ACADS: variants seen among roughly 807,000 people sequenced by gnomAD.
The protein encoded by ACADS is acyl-CoA dehydrogenase short chain, also known as short-chain specific acyl-CoA dehydrogenase, mitochondrial.
Under a neutral mutation model 46.8 loss-of-function variants are expected in ACADS, and 28 were observed. That is an observed-to-expected ratio of 0.60 (90% CI 0.44 to 0.82). The LOEUF (loss-of-function observed/expected upper bound fraction) is 0.82, where lower values mean the gene tolerates loss of function less well. Ranked by LOEUF, ACADS falls within the 40% of genes least tolerant of loss-of-function variation. The pLI is 0.00. For synonymous variants in ACADS, 236 were observed against 237.7 expected (o/e 0.99, Z 0.07); for missense variants, 528 against 578.0 (o/e 0.91, Z 0.89).
intron 8 of ACADS, 66 bp downstream of exon 8, chr12:120,738,981 G>A: frequency 6.2e-7 from 1 of 1,601,638 alleles, no homozygotes; most frequent in East Asian, 2.2e-5. Flanking sequence ...GAGAGGTTGG[G>A]GCGGGTCTCT....
chr12:120,739,106 C>G, intron 8 of ACADS, 34 bp from the exon 9 acceptor site: 1 of 1,612,980 alleles, frequency 6.2e-7, no homozygotes. Flanking sequence ...GGGGTCCCCT[C>G]AAGGGAAGGC....
chr12:120,725,917 G>A lies in ACADS; in HGVS notation c.32G>A (p.Gly11Asp), dbSNP rs1883067789. The A allele has an allele frequency of 1.3e-6, 2 of 1,555,594 alleles. No homozygotes were observed. The highest frequency in any genetic ancestry group is 2.4e-5 in the East Asian group (1 of 41,914). Residue 11 changes from glycine to aspartate, a missense_variant, in exon 1 of 10, where the codon GGC (glycine) becomes GAC (aspartate). Coordinates refer to ENST00000242592, the MANE Select transcript of ACADS (RefSeq NM_000017.4). ...GCCGCGCTGCTCGCCCGGGCCTCGG[G>A]CCCTGCCCGCAGAGGTGAGTGCGCT... The part of the protein sequence containing the change: MAAALLARAS[G>D]PARRALCPRA...
At chr12:120,733,644 G>A (rs907825067) in intron 2 of ACADS, among the ~76,000 whole-genome samples, 2 of 151,610 alleles carry the variant, frequency 1.3e-5, no homozygotes, top group African/African-American at 4.9e-5. Context: ...CTCCCCAGGT[G>A]TGTGGCGGCC....
rs1414532487 is a variant in ACADS, at chr12:120,739,466, C to G, written c.*18C>G. On this transcript the variant is annotated 3_prime_UTR_variant, in exon 10 of 10. Coordinates refer to ENST00000242592, the MANE Select transcript of ACADS (RefSeq NM_000017.4). ...GGAGCTGAGCCCGCGGCGGACTGCCCCAGGACTGCGGGAAGGCGCGGGAGC... is the reference window on the plus strand; with the variant it reads ...GGAGCTGAGCCCGCGGCGGACTGCCGCAGGACTGCGGGAAGGCGCGGGAGC... 6.2e-7 allele frequency: 1 copy of G among 1,602,490 alleles called. No individual in the cohort carries two copies. Among genetic ancestry groups the G allele is most frequent in the Non-Finnish European group, 8.5e-7 (1 of 1,177,556 alleles).
At chr12:120,735,670 G>A (rs1190599978) in intron 2 of ACADS, among the ~76,000 whole-genome samples, 1 of 152,146 alleles carries the variant, frequency 6.6e-6, no homozygotes, top group Non-Finnish European at 1.5e-5. Context: ...GGAGGCCGAG[G>A]TGGGTGGATC....
intron 2 of ACADS, among the ~76,000 whole-genome samples, chr12:120,736,067 ACTTGTTCCTTTTTG>A (rs1883426848): frequency 6.6e-6 from 1 of 151,520 alleles, no homozygotes; most frequent in African/African-American, 2.4e-5. Flanking sequence ...AAGTGGTTTT[ACTTGTTCCTTTTTG>A]AAGTTAGGTA....
In ACADS at chr12:120,726,939, A is replaced by G. The variant is rs185422623; in HGVS notation, c.47-87A>G. 9 of 1,526,228 alleles carry G rather than the reference A, an allele frequency of 5.9e-6. No individual in the cohort carries two copies. In the East Asian group the frequency reaches 1.6e-4, roughly 27 times the overall value. The allele number at this position is 1,526,228 out of a possible 1,614,324, so 94.5% of individuals were successfully genotyped here. A position where few individuals can be genotyped will look rare whatever the true frequency, so the allele number is the denominator to read the frequency against. On this transcript the variant is annotated intron_variant, in intron 1 of 9. Coordinates refer to ENST00000242592, the MANE Select transcript of ACADS (RefSeq NM_000017.4). ...ATTGCCAGATGTCCCTTGGAGGGCA[A>G]AATCCTCCCTGGTGAGTTAGTGGGT...
At position 120,738,537 on chromosome 12, in the gene ACADS, C is replaced by A. The variant is rs1424182725; in HGVS notation, c.800C>A (p.Thr267Asn). 1 of 1,609,508 alleles carries A rather than the reference C, an allele frequency of 6.2e-7. No individual in the cohort carries two copies. Among genetic ancestry groups the A allele is most frequent in the Non-Finnish European group, 8.5e-7 (1 of 1,179,826 alleles). ...PGMGFKIAMQ[T>N]LDMGRIGIAS... ...TGACCAGGGCGGTCCCCACAGCAAACCCTGGACATGGGCCGCATCGGCATC... is the reference window on the plus strand; with the variant it reads ...TGACCAGGGCGGTCCCCACAGCAAAACCTGGACATGGGCCGCATCGGCATC... The change falls in exon 7 of 10, where the codon ACC becomes AAC. Residue 267 changes from threonine (T) to asparagine (N), a missense_variant. Coordinates refer to ENST00000242592, the MANE Select transcript of ACADS (RefSeq NM_000017.4).
intron 2 of ACADS, among the ~76,000 whole-genome samples, chr12:120,731,685 A>C (rs1883253068): frequency 2.6e-5 from 4 of 151,470 alleles, no homozygotes; most frequent in Admixed American, 2.6e-4. Context: ...TTTCTCGCAG[A>C]GGGGGATTTG....
rs774801839 is a variant in ACADS, at chr12:120,737,001, G to T, written c.226G>T (p.Gly76Trp). Residue 76 changes from glycine to tryptophan, a missense_variant, in exon 3 of 10, where the codon GGG (glycine) becomes TGG (tryptophan). Transcript: ENST00000242592. ...CTGTGCCCAGGTGAAGAAGATGGGC[G>T]GGCTTGGGCTTCTGGCCATGGACGT... is the stretch of plus-strand genomic sequence containing the variant. ...FPAAQVKKMG[G>W]LGLLAMDVPE... The T allele has an allele frequency of 1.9e-6, 3 of 1,609,342 alleles. No individual in the cohort carries two copies. Among genetic ancestry groups the T allele is most frequent in the Admixed American group, 1.7e-5 (1 of 59,564 alleles).
At position 120,739,187 on chromosome 12, in the gene ACADS, C is replaced by G. The variant is rs1218367017; in HGVS notation, c.1077C>G (p.Ile359Met). 1.2e-6 allele frequency: 2 copies of G among 1,612,948 alleles called. No homozygotes were observed. The highest frequency in any genetic ancestry group is 2.7e-5 in the African/African-American group (2 of 74,938). Residue 359 changes from isoleucine to methionine, a missense_variant, in exon 9 of 10, where the codon ATC becomes ATG. Coordinates refer to ENST00000242592, the MANE Select transcript of ACADS (RefSeq NM_000017.4). ...CCGCCTCGGAGGCCGCGACCGCCATCAGCCACCAGGTGAGTGTCCACAGTG... is the reference window on the plus strand; with the variant it reads ...CCGCCTCGGAGGCCGCGACCGCCATGAGCCACCAGGTGAGTGTCCACAGTG... ...KLAASEAATAISHQAIQILGG... is the reference protein window; with the variant it reads ...KLAASEAATAMSHQAIQILGG...
intron 1 of ACADS, 88 bp downstream of exon 1, chr12:120,726,019 C>A: frequency 1.5e-6 from 2 of 1,338,088 alleles, no homozygotes; most frequent in Non-Finnish European, 2.0e-6. Flanking sequence ...CTGTCAGAGC[C>A]GCTGGCAGGC....
intron 2 of ACADS, among the ~76,000 whole-genome samples, chr12:120,730,167 G>C (rs369825696): frequency 6.6e-5 from 10 of 152,224 alleles, no homozygotes; most frequent in African/African-American, 2.4e-4. Flanking sequence ...CTTTTTAGTA[G>C]AGACGGGGTT....
chr12:120,738,085 C>T (rs760784265), intron 5 of ACADS, 97 bp downstream of exon 5: 152 of 1,590,274 alleles, frequency 9.6e-5, no homozygotes, highest in Admixed American at 2.1e-4. Flanking sequence ...CCTATTTTTG[C>T]TCTGGGGCAA....
At chr12:120,733,231 A>G (rs1035714281) in intron 2 of ACADS, among the ~76,000 whole-genome samples, 9 of 151,364 alleles carry the variant, frequency 5.9e-5, no homozygotes, top group African/African-American at 1.5e-4. Flanking sequence ...GGAGAGGGAG[A>G]CCGGGGGGAG....
chr12:120,739,552 G>A lies in ACADS; in HGVS notation c.*104G>A. On this transcript the variant is annotated 3_prime_UTR_variant, in exon 10 of 10. Transcript: ENST00000242592. ...GGCGGCCCGGCGGGGGCTCCCTGGG[G>A]ACCCCAGATGGGCTCAGTGCTGCCA... The A allele has an allele frequency of 7.2e-7, 1 of 1,393,390 alleles. No individual in the cohort carries two copies. The highest frequency in any genetic ancestry group is 9.8e-7 in the Non-Finnish European group (1 of 1,023,698). The allele number at this position is 1,393,390 out of a possible 1,614,324, so 86.3% of individuals were successfully genotyped here.
intron 2 of ACADS, among the ~76,000 whole-genome samples, chr12:120,732,362 G>A (rs1255079388): frequency 2.6e-5 from 4 of 151,002 alleles, no homozygotes; most frequent in Non-Finnish European, 3.0e-5. Flanking sequence ...GGTGGCTGCC[G>A]GGCGGAGACG....
At chr12:120,730,228 G>A (rs111999968) in intron 2 of ACADS, among the ~76,000 whole-genome samples, 6,255 of 152,194 alleles carry the variant, frequency 0.041, 182 homozygotes, top group South Asian at 0.1. Context: ...TTATCCGCCC[G>A]CCTGGGCCTC....
At position 120,737,054 on chromosome 12, in the gene ACADS, C is replaced by T. The variant is rs746354286; in HGVS notation, c.279C>T (p.Leu93=). ...CCGAGGAGCTTGGCGGTGCTGGCCT[C>T]GATTACCTGGCCTACGCCATCGCCA... is the stretch of plus-strand genomic sequence containing the variant. The part of the protein sequence containing the change: ...DVPEELGGAG[L]DYLAYAIAME... The change falls in exon 3 of 10, where the codon CTC becomes CTT. Residue 93 remains leucine (L), a synonymous_variant. Transcript: ENST00000242592. The T allele has an allele frequency of 1.8e-5, 29 of 1,607,314 alleles. No individual in the cohort carries two copies. The highest frequency in any genetic ancestry group is 3.3e-4 in the Middle Eastern group (2 of 6,078).
Sources: allele counts gnomAD v4.1 joint callset (sites outside exome capture counted in the v4.1 genomes callset), GRCh38; gene constraint gnomAD v4.1.1; transcripts MANE v1.5; gene names NCBI Gene and HGNC (gene_info 2026-07-23, HGNC 2026-07-21).